Variants in EHMT1 observed in about 807,000 individuals in gnomAD.
EHMT1 encodes the protein histone-lysine N-methyltransferase EHMT1.
Under a neutral mutation model 147.2 loss-of-function variants are expected in EHMT1, and 15 were observed. That is an observed-to-expected ratio of 0.10 (90% CI 0.07 to 0.16). The LOEUF (loss-of-function observed/expected upper bound fraction) is 0.16. Ranked by LOEUF, EHMT1 falls within the 10% of genes least tolerant of loss-of-function variation. The pLI, the probability that EHMT1 is intolerant of heterozygous loss-of-function variation, is 1.00. For missense variants in EHMT1, 1,587 were observed against 1,772.4 expected, an observed-to-expected ratio of 0.90 and a Z score of 1.88; for synonymous variants, 795 against 709.6, an observed-to-expected ratio of 1.12 and a Z score of -1.91.
At position 137,728,458 on chromosome 9, in the gene EHMT1, C is replaced by T. The variant is rs1378301089; in HGVS notation, c.752C>T (p.Pro251Leu). 2 of 1,613,988 alleles carry T rather than the reference C, an allele frequency of 1.2e-6. No individual in the cohort carries two copies. The highest frequency in any genetic ancestry group is 1.7e-6 in the Non-Finnish European group (2 of 1,179,926). ...ISDFGRQQLLPPFPSLHQSLP... is the reference protein window; with the variant it reads ...ISDFGRQQLLLPFPSLHQSLP... ...GACTTTGGACGACAGCAGCTTTTAC[C>T]CCCCTTCCCATCCCTTCATCAGTCG... Residue 251 changes from proline (P) to leucine (L), a missense_variant, in exon 4 of 27, where the codon CCC becomes CTC. By Grantham distance (98) the Pro-to-Leu change is moderately conservative. Around this residue, in one of 7 missense-constraint regions of EHMT1, gnomAD observed 810 missense variants for 673.0 expected, o/e 1.20. Transcript: ENST00000460843.
Position 137,657,988 on chromosome 9 carries a change from C to T in EHMT1, c.21+38939C>T, listed in dbSNP as rs1394803732. Among the ~76,000 whole-genome samples, 5 of 152,242 alleles carry T rather than the reference C, an allele frequency of 3.3e-5. No homozygotes were observed. In the East Asian group the frequency reaches 5.8e-4, roughly 18 times the overall value. On this transcript the variant is annotated intron_variant, in intron 1 of 26. Transcript: ENST00000460843. ...CATGTGAAGTTTGTCTTTCTGTGCCCAGCTGATTTCACTTAACACAGTGAC... is the reference window on the plus strand; with the variant it reads ...CATGTGAAGTTTGTCTTTCTGTGCCTAGCTGATTTCACTTAACACAGTGAC...
At chr9:137,791,086 C>G in intron 16 of EHMT1, 116 bp downstream of exon 16, 3 of 1,541,920 alleles carry the variant, frequency 1.9e-6, no homozygotes, top group Non-Finnish European at 2.7e-6. Flanking sequence ...CACACTGACC[C>G]AGTTGTCCAG....
chr9:137,760,334 C>T (rs1226402675), intron 9 of EHMT1, among the ~76,000 whole-genome samples: 1 of 152,168 alleles, frequency 6.6e-6, no homozygotes, highest in Non-Finnish European at 1.5e-5. Context: ...TGCTGTTGGC[C>T]AGTGCTGTGG....
At chr9:137,652,302 C>T (rs1937927682) in intron 1 of EHMT1, among the ~76,000 whole-genome samples, 1 of 152,142 alleles carries the variant, frequency 6.6e-6, no homozygotes, top group African/African-American at 2.4e-5. Context: ...CTATGTTGCC[C>T]AAGCCAGGCT....
At chr9:137,718,104 C>T (rs752060327) in intron 3 of EHMT1, among the ~76,000 whole-genome samples, 21 of 137,556 alleles carry the variant, frequency 1.5e-4, no homozygotes, top group Non-Finnish European at 2.8e-4. Context: ...GCCCGCCCCT[C>T]ACGCACCGTG....
At chr9:137,648,487 T>C (rs1845066299) in intron 1 of EHMT1, among the ~76,000 whole-genome samples, 1 of 97,988 alleles carries the variant, frequency 1.0e-5, no homozygotes, top group Non-Finnish European at 1.8e-5. Context: ...AGACTCCTTC[T>C]CTCCAAAAAA....
intron 8 of EHMT1, among the ~76,000 whole-genome samples, chr9:137,756,259 C>T (rs1949370118): frequency 6.6e-6 from 1 of 152,220 alleles, no homozygotes; most frequent in African/African-American, 2.4e-5. Flanking sequence ...TGTGCAGCTG[C>T]CATAGGCACT....
intron 5 of EHMT1, 102 bp downstream of exon 5, chr9:137,743,630 G>C (rs762929393): frequency 6.5e-7 from 1 of 1,545,454 alleles, no homozygotes; most frequent in Non-Finnish European, 8.9e-7. Context: ...TCCCCGGGAA[G>C]GTGCCAGTGC....
intron 4 of EHMT1, among the ~76,000 whole-genome samples, chr9:137,736,208 C>G (rs1016267428): frequency 1.3e-5 from 2 of 152,178 alleles, no homozygotes; most frequent in African/African-American, 4.8e-5. Context: ...AAAAAGGTTA[C>G]AAGAGACTAA....
intron 1 of EHMT1, among the ~76,000 whole-genome samples, chr9:137,648,754 A>G (rs1361923305): frequency 1.3e-5 from 2 of 152,236 alleles, no homozygotes; most frequent in East Asian, 3.9e-4. Flanking sequence ...AAAAATGCCA[A>G]CAAGGAATCA....
rs560056046 is a variant in EHMT1 at position 137,623,595 on chromosome 9, A to T, written c.21+4546A>T. 4.6e-5 allele frequency among the ~76,000 whole-genome samples: 7 copies of T among 151,816 alleles called. No homozygotes were observed. The East Asian group carries it at 1.4e-3, about 30-fold the overall frequency. ...ACGCCTGTGCCTGGCTAATTTTTGT[A>T]TTTTTGGTAGAGACGGGGTTTCAAC... On this transcript the variant is annotated intron_variant, in intron 1 of 26. Coordinates refer to ENST00000460843, the MANE Select transcript of EHMT1 (RefSeq NM_024757.5).
chr9:137,688,875 C>T (rs1343868429), intron 1 of EHMT1, among the ~76,000 whole-genome samples: 4 of 152,154 alleles, frequency 2.6e-5, no homozygotes, highest in Non-Finnish European at 4.4e-5. Flanking sequence ...GTCACATCCG[C>T]GGATGGCCGT....
chr9:137,629,556 G>C (rs1224650094), intron 1 of EHMT1, among the ~76,000 whole-genome samples: 1 of 152,012 alleles, frequency 6.6e-6, no homozygotes, highest in Non-Finnish European at 1.5e-5. Flanking sequence ...ACCATGCCTA[G>C]CTAATTTTTT....
chr9:137,725,580 G>A (rs1166097110), intron 3 of EHMT1, among the ~76,000 whole-genome samples: 2 of 152,182 alleles, frequency 1.3e-5, no homozygotes, highest in Non-Finnish European at 2.9e-5. Context: ...TGAATCCAGG[G>A]TAGGTTCCGC....
At chr9:137,833,831 G>T (rs1956397022) in intron 25 of EHMT1, among the ~76,000 whole-genome samples, 1 of 152,222 alleles carries the variant, frequency 6.6e-6, no homozygotes, top group African/African-American at 2.4e-5. Context: ...CCGCCTGACG[G>T]TCCTCCCTGG....
At chr9:137,720,662 G>C (rs1945857577) in intron 3 of EHMT1, among the ~76,000 whole-genome samples, 1 of 152,114 alleles carries the variant, frequency 6.6e-6, no homozygotes, top group African/African-American at 2.4e-5. Flanking sequence ...AGTAGCTTTT[G>C]TCACTCAGCA....
At chr9:137,634,868 ATTTTTTTTT>A (rs781056803) in intron 1 of EHMT1, among the ~76,000 whole-genome samples, 1,510 of 92,124 alleles carry the variant, frequency 0.016, 33 homozygotes, top group African/African-American at 0.064. Flanking sequence ...TGCCCAGCTA[ATTTTTTTTT>A]TTTTTTTTTT....
At chr9:137,667,790 C>T (rs1939844131) in intron 1 of EHMT1, among the ~76,000 whole-genome samples, 1 of 152,080 alleles carries the variant, frequency 6.6e-6, no homozygotes, top group Non-Finnish European at 1.5e-5. Context: ...GGGAGGAAAA[C>T]GCTGTTGTGC....
At chr9:137,800,346 G>C (rs781756300) in intron 17 of EHMT1, 1 of 163,942 alleles carries the variant, frequency 6.1e-6, no homozygotes, top group Non-Finnish European at 1.3e-5. Context: ...AGGGGCGTCC[G>C]CCTCTGTCCA....
Sources: allele counts gnomAD v4.1 joint callset (sites outside exome capture counted in the v4.1 genomes callset), GRCh38; gene constraint gnomAD v4.1.1; regional missense constraint gnomAD v4.1.1; transcripts MANE v1.5; gene names NCBI Gene and HGNC (gene_info 2026-07-23, HGNC 2026-07-21).